Variants in EYA2 observed in about 807,000 individuals in gnomAD.
The protein encoded by EYA2 is EYA transcriptional coactivator and phosphatase 2.
Under a neutral mutation model 69.2 loss-of-function variants are expected in EYA2, and 31 were observed. The ratio of observed to expected loss-of-function variants is 0.45; its 90% CI spans 0.34 to 0.60. EYA2 has a LOEUF of 0.60. EYA2 is among the 20% of genes least tolerant of loss of function. The pLI is 0.02. For synonymous variants in EYA2, 257 were observed against 279.4 expected (o/e 0.92, Z 0.80); for missense variants, 622 against 701.2 (o/e 0.89, Z 1.28).
At chr20:47,169,876 G>A (rs760021737) in intron 11 of EYA2, among the ~76,000 whole-genome samples, 6 of 152,008 alleles carry the variant, frequency 3.9e-5, no homozygotes, top group Non-Finnish European at 8.8e-5. Flanking sequence ...ATATTTGGTT[G>A]TATTCATTAG....
At chr20:47,025,519 G>A (rs191182366) in intron 5 of EYA2, among the ~76,000 whole-genome samples, 6 of 152,272 alleles carry the variant, frequency 3.9e-5, no homozygotes, top group African/African-American at 1.4e-4. Context: ...CTTTTTCATA[G>A]ATGCCTATTA....
chr20:47,183,022 G>A (rs1473809287), intron 14 of EYA2, among the ~76,000 whole-genome samples: 1 of 152,218 alleles, frequency 6.6e-6, no homozygotes, highest in Non-Finnish European at 1.5e-5. Flanking sequence ...CAGCTGCAGA[G>A]ACTTGGGAGC....
rs370944686 is a variant in EYA2 at position 47,166,393 on chromosome 20, TAAAAAAAAAAAAAAAAAAAAAAAA to T, written c.979-2731_979-2708del. Among the ~76,000 whole-genome samples the T allele has an allele frequency of 7.8e-3, 271 of 34,524 alleles. 5 individuals carry two copies. In the East Asian group the frequency reaches 0.081, roughly 10 times the overall value. The allele number at this position is 34,524 out of a possible 152,430, so 22.6% of individuals were successfully genotyped here. A position where few individuals can be genotyped will look rare whatever the true frequency, so the allele number is the denominator to read the frequency against. On this transcript the variant is annotated intron_variant, in intron 10 of 15. Transcript: ENST00000327619. ...GCTTGGGTGACAGAGCAAGACTGTC[TAAAAAAAAAAAAAAAAAAAAAAAA>T]AAAAAAAAAAAAAAGCTTTTTGCTT...
At chr20:47,021,094 T>C (rs940899065) in intron 5 of EYA2, among the ~76,000 whole-genome samples, 5 of 152,190 alleles carry the variant, frequency 3.3e-5, no homozygotes, top group Non-Finnish European at 5.9e-5. Context: ...GTGAAGTGTT[T>C]AGAGCGCACC....
rs377700736 is a variant in EYA2, at chr20:47,037,939, C to T, written c.415+21642C>T. Among the ~76,000 whole-genome samples the T allele has an allele frequency of 3.3e-5, 5 of 152,316 alleles. No homozygotes were observed. In the East Asian group the frequency reaches 7.7e-4, roughly 24 times the overall value. ...TGGGTAGGGGCATTTGTTCTCTCTACCACACGTGTTCATCATTCAACAAGT... is the reference window on the plus strand; with the variant it reads ...TGGGTAGGGGCATTTGTTCTCTCTATCACACGTGTTCATCATTCAACAAGT... On this transcript the variant is annotated intron_variant, in intron 5 of 15. Coordinates refer to ENST00000327619, the MANE Select transcript of EYA2 (RefSeq NM_005244.5).
intron 7 of EYA2, among the ~76,000 whole-genome samples, chr20:47,076,111 T>C (rs2031503316): frequency 6.6e-6 from 1 of 152,248 alleles, no homozygotes; most frequent in South Asian, 2.1e-4. Flanking sequence ...TTGATGGGCA[T>C]CTAGGTTGAT....
At chr20:47,130,106 G>T (rs543416009) in intron 9 of EYA2, among the ~76,000 whole-genome samples, 7 of 151,550 alleles carry the variant, frequency 4.6e-5, no homozygotes, top group African/African-American at 1.5e-4. Context: ...TCCTAAAGCA[G>T]ATTTCAACCT....
chr20:46,949,312 CA>C (rs1978660389), intron 1 of EYA2, among the ~76,000 whole-genome samples: 1 of 152,160 alleles, frequency 6.6e-6, no homozygotes, highest in South Asian at 2.1e-4. Flanking sequence ...CTGAAGTTAA[CA>C]GTGAGATTGG....
intron 8 of EYA2, among the ~76,000 whole-genome samples, chr20:47,094,397 G>A (rs1452612812): frequency 6.6e-6 from 1 of 152,128 alleles, no homozygotes; most frequent in Non-Finnish European, 1.5e-5. Flanking sequence ...TACTATGATG[G>A]CCCAGCATAT....
At chr20:47,032,167 A>T (rs1450825242) in intron 5 of EYA2, among the ~76,000 whole-genome samples, 9 of 152,172 alleles carry the variant, frequency 5.9e-5, no homozygotes, top group Admixed American at 5.9e-4. Flanking sequence ...TGTACCCTTA[A>T]AGCAAACCAG....
chr20:46,942,747 T>C (rs1429518906), intron 1 of EYA2, among the ~76,000 whole-genome samples: 1 of 151,820 alleles, frequency 6.6e-6, no homozygotes, highest in Non-Finnish European at 1.5e-5. Context: ...ATTGGGAGGG[T>C]TCTCTGTTTT....
intron 1 of EYA2, among the ~76,000 whole-genome samples, chr20:46,948,689 G>C (rs1276463390): frequency 6.6e-6 from 1 of 151,984 alleles, no homozygotes; most frequent in African/African-American, 2.4e-5. Flanking sequence ...AAGGTTGCCT[G>C]GAAAAAAACA....
chr20:47,172,672 G>C, intron 11 of EYA2, 35 bp from the exon 12 acceptor site: 1 of 1,578,406 alleles, frequency 6.3e-7, no homozygotes, highest in African/African-American at 1.3e-5. Flanking sequence ...GCACCCCCCT[G>C]CACTAACACT....
intron 1 of EYA2, among the ~76,000 whole-genome samples, chr20:46,931,781 C>A (rs1293712328): frequency 1.3e-5 from 2 of 152,118 alleles, no homozygotes; most frequent in Non-Finnish European, 2.9e-5. Context: ...ACTGAGCAAT[C>A]CCCTCTGGGC....
intron 9 of EYA2, among the ~76,000 whole-genome samples, chr20:47,107,816 A>C (rs1568782787): frequency 1.3e-5 from 2 of 152,092 alleles, no homozygotes. Context: ...GGGAAGGGGA[A>C]AGAAGAAGAA....
intron 9 of EYA2, among the ~76,000 whole-genome samples, chr20:47,103,373 C>T (rs1325252343): frequency 1.3e-5 from 2 of 152,238 alleles, no homozygotes; most frequent in East Asian, 3.9e-4. Flanking sequence ...TGTGATCATC[C>T]GTGTTGTAGC....
chr20:47,186,450 C>T (rs1442111744), intron 15 of EYA2, among the ~76,000 whole-genome samples: 1 of 147,456 alleles, frequency 6.8e-6, no homozygotes, highest in East Asian at 2.0e-4. Flanking sequence ...TCCTCTGCCT[C>T]CTGTGTTCAA....
chr20:47,060,063 T>G (rs1296134849), intron 5 of EYA2, among the ~76,000 whole-genome samples: 1 of 152,228 alleles, frequency 6.6e-6, no homozygotes, highest in Non-Finnish European at 1.5e-5. Flanking sequence ...TCAGGAGATT[T>G]TACATACAAA....
intron 1 of EYA2, among the ~76,000 whole-genome samples, chr20:46,913,965 G>C (rs1232474931): frequency 6.6e-6 from 1 of 152,174 alleles, no homozygotes; most frequent in Non-Finnish European, 1.5e-5. Context: ...AGGTGGCCCT[G>C]CTGGTACATG....
Sources: allele counts gnomAD v4.1 joint callset (sites outside exome capture counted in the v4.1 genomes callset), GRCh38; gene constraint gnomAD v4.1.1; transcripts MANE v1.5; gene names NCBI Gene and HGNC (gene_info 2026-07-23, HGNC 2026-07-21).